WWP2: variants seen among roughly 807,000 people sequenced by gnomAD.
The protein encoded by WWP2 is NEDD4-like E3 ubiquitin-protein ligase WWP2.
In WWP2, 57 loss-of-function variants were observed where a neutral mutation model predicts 121.0. The ratio of observed to expected loss-of-function variants is 0.47; its 90% CI spans 0.38 to 0.59. The LOEUF is 0.59. WWP2 is among the 20% of genes least tolerant of loss of function. The pLI, the probability that WWP2 is intolerant of heterozygous loss-of-function variation, is 0.00. For missense variants in WWP2, 962 were observed against 1,158.9 expected (o/e 0.83, Z 2.47); for synonymous variants, 449 against 441.3 (o/e 1.02, Z -0.22).
chr16:69,880,341 A>C (rs1044454374), intron 7 of WWP2, among the ~76,000 whole-genome samples: 1 of 152,016 alleles, frequency 6.6e-6, no homozygotes, highest in African/African-American at 2.4e-5. Flanking sequence ...TGTTTTGAGT[A>C]AGTCCCATAT....
At chr16:69,786,550 A>G (rs2055796314) in intron 1 of WWP2, among the ~76,000 whole-genome samples, 1 of 145,908 alleles carries the variant, frequency 6.9e-6, no homozygotes, top group Non-Finnish European at 1.5e-5. Flanking sequence ...TCCTGGGCTC[A>G]AGTGATTCTC....
chr16:69,852,816 G>C (rs2057243555), intron 6 of WWP2, among the ~76,000 whole-genome samples: 1 of 152,132 alleles, frequency 6.6e-6, no homozygotes, highest in South Asian at 2.1e-4. Context: ...TGGAAATACA[G>C]TTTTATTTTT....
chr16:69,934,450 C>T (rs2058765364), intron 17 of WWP2, among the ~76,000 whole-genome samples: 1 of 151,512 alleles, frequency 6.6e-6, no homozygotes, highest in African/African-American at 2.4e-5. Flanking sequence ...GAAGAGTTTC[C>T]ATGTTGCTTT....
intron 6 of WWP2, among the ~76,000 whole-genome samples, chr16:69,848,678 C>G (rs9888980): frequency 0.16 from 22,927 of 147,814 alleles, 2,145 homozygotes; most frequent in East Asian, 0.4. Context: ...ATATATAGAG[C>G]CTTCAACAAT....
chr16:69,867,688 G>T (rs1271747242), intron 6 of WWP2, among the ~76,000 whole-genome samples: 1 of 152,190 alleles, frequency 6.6e-6, no homozygotes, highest in Non-Finnish European at 1.5e-5. Flanking sequence ...CCTTGAGTGA[G>T]GACACACCGC....
chr16:69,868,353 A>G (rs9934928), intron 6 of WWP2, among the ~76,000 whole-genome samples: 197 of 152,286 alleles, frequency 1.3e-3, no homozygotes, highest in Middle Eastern at 6.8e-3. Context: ...TGCTGACCAC[A>G]TGCCCTTTCT....
chr16:69,774,047 G>GT (rs34176259), intron 1 of WWP2, among the ~76,000 whole-genome samples: 10,542 of 150,612 alleles, frequency 0.07, 466 homozygotes, highest in Middle Eastern at 0.12. Flanking sequence ...GGTCAGTGTT[G>GT]TTTTTTTTTA....
At chr16:69,918,333 T>A (rs2058506295) in intron 10 of WWP2, among the ~76,000 whole-genome samples, 1 of 152,190 alleles carries the variant, frequency 6.6e-6, no homozygotes, top group African/African-American at 2.4e-5. Context: ...ATCTTTATTA[T>A]CTGACACATT....
intron 6 of WWP2, among the ~76,000 whole-genome samples, chr16:69,849,482 T>TATTTATTTATTC (rs1555553863): frequency 7.7e-4 from 115 of 149,662 alleles, no homozygotes; most frequent in African/African-American, 2.3e-3. Flanking sequence ...TTTATTTATT[T>TATTTATTTATTC]ATTCATTCAT....
intron 8 of WWP2, among the ~76,000 whole-genome samples, chr16:69,896,490 A>G (rs770253570): frequency 1.5e-4 from 23 of 152,210 alleles, no homozygotes; most frequent in Non-Finnish European, 2.6e-4. Flanking sequence ...CCCTGTACCC[A>G]GCATACAACT....
chr16:69,842,830 T>TG (rs2057004014), intron 6 of WWP2, among the ~76,000 whole-genome samples: 1 of 152,080 alleles, frequency 6.6e-6, no homozygotes, highest in African/African-American at 2.4e-5. Context: ...CCACCATGCC[T>TG]GGCTAATTTT....
intron 2 of WWP2, among the ~76,000 whole-genome samples, chr16:69,795,977 A>G (rs779049291): frequency 1.3e-5 from 2 of 150,632 alleles, no homozygotes; most frequent in Admixed American, 6.6e-5. Flanking sequence ...TGCCAGTATG[A>G]TCCTAGATTG....
intron 12 of WWP2, 126 bp from the exon 13 acceptor site, chr16:69,930,000 TTGGG>T: frequency 7.3e-7 from 1 of 1,377,838 alleles, no homozygotes; most frequent in Non-Finnish European, 9.9e-7. Flanking sequence ...GTCATGCTTC[TTGGG>T]TGCATGTCCT....
chr16:69,818,175 A>G (rs1481746755), intron 4 of WWP2, among the ~76,000 whole-genome samples: 2 of 151,296 alleles, frequency 1.3e-5, no homozygotes, highest in African/African-American at 4.8e-5. Flanking sequence ...TTTGTTTTAT[A>G]TTTTAGATTT....
At chr16:69,909,819 C>T (rs1424942179) in intron 9 of WWP2, 4 of 562,948 alleles carry the variant, frequency 7.1e-6, no homozygotes, top group Non-Finnish European at 9.0e-6. Flanking sequence ...ATGTTACAAA[C>T]CCCCACATAC....
chr16:69,911,706 T>G (rs1029040875), intron 9 of WWP2, among the ~76,000 whole-genome samples: 5 of 152,194 alleles, frequency 3.3e-5, no homozygotes, highest in African/African-American at 1.2e-4. Flanking sequence ...TACTTTTAGT[T>G]AAACATGTGG....
intron 6 of WWP2, among the ~76,000 whole-genome samples, chr16:69,864,867 C>T (rs1192615998): frequency 1.3e-5 from 2 of 152,088 alleles, no homozygotes; most frequent in East Asian, 3.9e-4. Context: ...CTGCCTCGGC[C>T]TCCCAAAGTG....
chr16:69,925,240 C>T lies in WWP2; in HGVS notation c.1180-190C>T. 1.4e-6 allele frequency: 2 copies of T among 1,438,826 alleles called. No homozygotes were observed. The highest frequency in any genetic ancestry group is 1.8e-6 in the Non-Finnish European group (2 of 1,097,036). The allele number at this position is 1,438,826 out of a possible 1,614,324, so 89.1% of individuals were successfully genotyped here. The stretch of plus-strand genomic sequence containing the variant: ...TGCGCAGGGTTCTTTTTTGGTTTTT[C>T]TGTAAAAATCAAAACAAAAAACAGA... On this transcript the variant is annotated intron_variant, in intron 10 of 23. Coordinates refer to ENST00000359154, the MANE Select transcript of WWP2 (RefSeq NM_001270454.2). This position sits in a 1 kb window ranked among gnomAD's most constrained non-coding sequence, Gnocchi z 4.0.
intron 4 of WWP2, among the ~76,000 whole-genome samples, chr16:69,827,505 A>C (rs1260226824): frequency 6.6e-6 from 1 of 152,288 alleles, no homozygotes; most frequent in Non-Finnish European, 1.5e-5. Flanking sequence ...ATCTGAAATT[A>C]TAATTTGTAA....
Sources: allele counts gnomAD v4.1 joint callset (sites outside exome capture counted in the v4.1 genomes callset), GRCh38; gene constraint gnomAD v4.1.1; non-coding constraint Gnocchi (gnomAD v3.1); transcripts MANE v1.5; gene names NCBI Gene and HGNC (gene_info 2026-07-23, HGNC 2026-07-21).